Variants in COBLL1 observed in about 807,000 individuals in gnomAD.
The protein encoded by COBLL1 is cordon-bleu protein-like 1.
COBLL1 carries 50 observed loss-of-function variants against 94.8 expected under a neutral mutation model. The observed-to-expected ratio is 0.53, with a 90% CI of 0.42 to 0.67. The LOEUF (loss-of-function observed/expected upper bound fraction) is 0.67. Ranked by LOEUF, COBLL1 falls within the 30% of genes least tolerant of loss-of-function variation. The pLI, the probability that COBLL1 is intolerant of heterozygous loss-of-function variation, is 0.00. For synonymous variants in COBLL1, 448 were observed against 473.8 expected, an observed-to-expected ratio of 0.95 and a Z score of 0.71; for missense variants, 1,362 against 1,348.7, an observed-to-expected ratio of 1.01 and a Z score of -0.15.
At chr2:164,840,901 C>A (rs572257005) in intron 2 of COBLL1, 5 of 381,696 alleles carry the variant, frequency 1.3e-5, no homozygotes, top group Non-Finnish European at 2.3e-5. Flanking sequence ...TCACCCAATT[C>A]CTGGCATTCA....
At chr2:164,801,299 C>T (rs1356627547) in intron 2 of COBLL1, among the ~76,000 whole-genome samples, 4 of 150,624 alleles carry the variant, frequency 2.7e-5, no homozygotes, top group Non-Finnish European at 4.4e-5. Flanking sequence ...ATTAGCCGGG[C>T]GTGGTAGCGG....
intron 2 of COBLL1, among the ~76,000 whole-genome samples, chr2:164,798,973 T>A (rs1683618798): frequency 7.8e-6 from 1 of 128,198 alleles, no homozygotes; most frequent in Admixed American, 9.6e-5. Context: ...TGAGCCAAGA[T>A]CGCGCCACTG....
chr2:164,820,590 T>C (rs1685114882), intron 2 of COBLL1, among the ~76,000 whole-genome samples: 1 of 152,194 alleles, frequency 6.6e-6, no homozygotes, highest in Non-Finnish European at 1.5e-5. Context: ...TAAAATTATC[T>C]AGTTCTCTGA....
intron 10 of COBLL1, among the ~76,000 whole-genome samples, chr2:164,700,141 T>C (rs1369086031): frequency 6.6e-6 from 1 of 152,146 alleles, no homozygotes; most frequent in African/African-American, 2.4e-5. Flanking sequence ...TATTCTAATA[T>C]GCATAATTGT....
At chr2:164,819,852 G>A (rs901013774) in intron 2 of COBLL1, among the ~76,000 whole-genome samples, 2 of 151,450 alleles carry the variant, frequency 1.3e-5, no homozygotes, top group Non-Finnish European at 2.9e-5. Context: ...TTGAGACAGA[G>A]TCTCACTCTG....
chr2:164,790,309 C>T (rs934417140), intron 2 of COBLL1, among the ~76,000 whole-genome samples: 1 of 152,094 alleles, frequency 6.6e-6, no homozygotes, highest in Non-Finnish European at 1.5e-5. Context: ...AGGATGGCTT[C>T]CTGCCTTGCA....
chr2:164,699,300 T>G (rs1684113604), intron 11 of COBLL1, 105 bp downstream of exon 11: 1 of 756,962 alleles, frequency 1.3e-6, no homozygotes, highest in East Asian at 2.5e-5. Flanking sequence ...AGGTATTAAG[T>G]GAGTTACAGG....
At chr2:164,818,270 A>G (rs1045578244) in intron 2 of COBLL1, among the ~76,000 whole-genome samples, 4 of 148,432 alleles carry the variant, frequency 2.7e-5, no homozygotes, top group African/African-American at 7.6e-5. Context: ...ATATACACGT[A>G]TGTATGTATA....
intron 2 of COBLL1, among the ~76,000 whole-genome samples, chr2:164,791,103 T>C (rs1035532990): frequency 6.6e-6 from 1 of 152,154 alleles, no homozygotes; most frequent in African/African-American, 2.4e-5. Flanking sequence ...GCAGCCTATC[T>C]TTGAAAAAGT....
At chr2:164,790,827 G>C (rs1683152554) in intron 2 of COBLL1, among the ~76,000 whole-genome samples, 2 of 152,158 alleles carry the variant, frequency 1.3e-5, no homozygotes, top group African/African-American at 4.8e-5. Context: ...ATACACCATT[G>C]ATCGCTGATG....
rs766650306 is a variant in COBLL1, at chr2:164,692,302, G to A, written c.3219C>T (p.Phe1073=). The A allele has an allele frequency of 6.2e-7, 1 of 1,613,630 alleles. No individual in the cohort carries two copies. Among genetic ancestry groups the A allele is most frequent in the Non-Finnish European group, 8.5e-7 (1 of 1,179,668 alleles). Reference sequence around the variant, plus strand: ...GCATCTGTTCTGGGTCAGAGCTTTGGAATGTTAAAGAACTTTGTCTCATAA... The same window carrying A: ...GCATCTGTTCTGGGTCAGAGCTTTGAAATGTTAAAGAACTTTGTCTCATAA... ...FTVMRQSSLT[F]QSSDPEQMRQ... Residue 1073 remains phenylalanine, a synonymous_variant, in exon 13 of 14, where the codon TTC becomes TTT. Transcript: ENST00000652658.
intron 2 of COBLL1, among the ~76,000 whole-genome samples, chr2:164,833,010 T>A (rs373042132): frequency 1.1e-4 from 17 of 151,430 alleles, no homozygotes; most frequent in African/African-American, 4.1e-4. Context: ...GCCATTGCAC[T>A]CCAGCCTGGT....
intron 2 of COBLL1, among the ~76,000 whole-genome samples, chr2:164,805,353 A>ATT (rs1446328438): frequency 1.1e-4 from 13 of 113,440 alleles, no homozygotes; most frequent in South Asian, 5.3e-4. Flanking sequence ...ATATATATAT[A>ATT]TATATATATA....
chr2:164,719,190 T>C (rs556158086), intron 7 of COBLL1, among the ~76,000 whole-genome samples: 1 of 152,074 alleles, frequency 6.6e-6, no homozygotes, highest in South Asian at 2.1e-4. Flanking sequence ...GATTTGTCTC[T>C]AATTAGATGT....
chr2:164,831,839 C>A (rs967759601), intron 2 of COBLL1, among the ~76,000 whole-genome samples: 2 of 152,168 alleles, frequency 1.3e-5, no homozygotes, highest in African/African-American at 2.4e-5. Flanking sequence ...GCTCTACCCT[C>A]GGACACTTCC....
intron 2 of COBLL1, among the ~76,000 whole-genome samples, chr2:164,765,070 A>G (rs1242898920): frequency 6.6e-6 from 1 of 152,108 alleles, no homozygotes; most frequent in African/African-American, 2.4e-5. Context: ...ACCATTCATC[A>G]ATGAACTCTA....
chr2:164,717,835 G>A (rs1279679324), intron 7 of COBLL1, among the ~76,000 whole-genome samples: 1 of 152,136 alleles, frequency 6.6e-6, no homozygotes, highest in Non-Finnish European at 1.5e-5. Flanking sequence ...AAAGTGCTGG[G>A]ATTATAGGCA....
chr2:164,829,653 T>C (rs906097781), intron 2 of COBLL1, among the ~76,000 whole-genome samples: 6 of 151,766 alleles, frequency 4.0e-5, no homozygotes, highest in Non-Finnish European at 8.8e-5. Context: ...AACTGAAAAA[T>C]AATATATTTA....
At chr2:164,673,788 T>G (rs1691287786) in intron 1 of COBLL1, among the ~76,000 whole-genome samples, 3 of 152,230 alleles carry the variant, frequency 2.0e-5, no homozygotes, top group Non-Finnish European at 4.4e-5. Flanking sequence ...TATATATTTG[T>G]GTATTGTTTA....
Sources: gnomAD v4.1 joint callset for allele counts (sites outside exome capture counted in the v4.1 genomes callset) on GRCh38, gnomAD v4.1.1 for gene constraint, MANE v1.5 for transcripts, NCBI Gene and HGNC (gene_info 2026-07-23, HGNC 2026-07-21) for gene names.